ATP9A: variants seen among roughly 807,000 people sequenced by gnomAD.
The protein encoded by ATP9A is ATPase phospholipid transporting 9A.
Under a neutral mutation model 144.1 loss-of-function variants are expected in ATP9A, and 52 were observed. The observed-to-expected ratio is 0.36, with a 90% CI of 0.29 to 0.45. ATP9A has a LOEUF of 0.45. Ranked by LOEUF, ATP9A falls within the 20% of genes least tolerant of loss-of-function variation. The probability of loss-of-function intolerance (pLI) is 1.00; values close to 1 mark genes in which losing one functional copy is unlikely to be tolerated. For missense variants in ATP9A, 947 were observed against 1,392.7 expected (o/e 0.68, Z 5.09); for synonymous variants, 582 against 557.4 (o/e 1.04, Z -0.62).
At chr20:51,628,878 C>T in intron 16 of ATP9A, 102 bp downstream of exon 16, 2 of 947,408 alleles carry the variant, frequency 2.1e-6, no homozygotes, top group Non-Finnish European at 3.3e-6. Context: ...GTTTGTTACA[C>T]AGCCACCGAT....
chr20:51,618,684 C>G lies in ATP9A; in HGVS notation c.2328G>C (p.Thr776=). Residue 776 remains threonine (T), a synonymous_variant, in exon 21 of 28, where the codon ACG becomes ACC. Coordinates refer to ENST00000338821, the MANE Select transcript of ATP9A (RefSeq NM_006045.3). Reference sequence around the variant, plus strand: ...TACCTACTGCACAGGTGAGCTTGCCCGTGCGCTCCTGAAGCAGGCGCACGA... The same window carrying G: ...TACCTACTGCACAGGTGAGCTTGCCGGTGCGCTCCTGAAGCAGGCGCACGA... ...AQIVRLLQER[T]GKLTCAVGDG... is the part of the protein sequence containing the mutation. 1 of 1,612,882 alleles carries G rather than the reference C, an allele frequency of 6.2e-7. No homozygotes were observed. The highest frequency in any genetic ancestry group is 8.5e-7 in the Non-Finnish European group (1 of 1,179,870).
intron 9 of ATP9A, among the ~76,000 whole-genome samples, chr20:51,685,792 G>C (rs977472833): frequency 2.6e-5 from 4 of 152,146 alleles, no homozygotes; most frequent in African/African-American, 9.7e-5. Flanking sequence ...TTAAACCATT[G>C]TGGAAGACAG....
At chr20:51,668,637 G>A (rs1254268284) in intron 13 of ATP9A, among the ~76,000 whole-genome samples, 1 of 152,260 alleles carries the variant, frequency 6.6e-6, no homozygotes. Context: ...CCTGTCCAGG[G>A]AAGTTCCTCG....
At chr20:51,697,124 A>G (rs1332836617) in intron 5 of ATP9A, among the ~76,000 whole-genome samples, 1 of 152,176 alleles carries the variant, frequency 6.6e-6, no homozygotes, top group African/African-American at 2.4e-5. Flanking sequence ...AAACTTTATG[A>G]TATTTTTTAT....
At chr20:51,624,043 T>C (rs933051445) in intron 18 of ATP9A, among the ~76,000 whole-genome samples, 3 of 151,946 alleles carry the variant, frequency 2.0e-5, no homozygotes, top group Non-Finnish European at 4.4e-5. Flanking sequence ...ACTCCAGAAG[T>C]CTTAGGAATG....
chr20:51,627,084 A>G (rs1010493042), intron 17 of ATP9A, among the ~76,000 whole-genome samples: 1 of 151,874 alleles, frequency 6.6e-6, no homozygotes, highest in Admixed American at 6.6e-5. Flanking sequence ...GAAGAAGAAG[A>G]ACAAGAATAA....
intron 13 of ATP9A, among the ~76,000 whole-genome samples, chr20:51,662,799 AG>A (rs147927906): frequency 0.036 from 5,477 of 152,004 alleles, 158 homozygotes; most frequent in Non-Finnish European, 0.055. Context: ...CGCCGGGCAC[AG>A]TGGCTCACAC....
chr20:51,722,761 C>T (rs2077695138), intron 3 of ATP9A, among the ~76,000 whole-genome samples: 1 of 152,160 alleles, frequency 6.6e-6, no homozygotes. Context: ...TAAATACAAC[C>T]ACTATGGAAA....
At chr20:51,665,724 CAAA>C (rs34213354) in intron 13 of ATP9A, among the ~76,000 whole-genome samples, 4 of 124,212 alleles carry the variant, frequency 3.2e-5, no homozygotes, top group South Asian at 2.5e-4. Context: ...GACTTCGTCT[CAAA>C]AAAAAAAAAA....
At chr20:51,726,693 C>T (rs1179415873) in intron 2 of ATP9A, among the ~76,000 whole-genome samples, 1 of 151,728 alleles carries the variant, frequency 6.6e-6, no homozygotes, top group Non-Finnish European at 1.5e-5. Context: ...ATCCTCCTGT[C>T]ACAGCCTCCC....
At chr20:51,700,691 G>A (rs2077589609) in intron 4 of ATP9A, among the ~76,000 whole-genome samples, 1 of 152,136 alleles carries the variant, frequency 6.6e-6, no homozygotes, top group Non-Finnish European at 1.5e-5. Flanking sequence ...TTAGCCAGAT[G>A]TGGTGGCACA....
chr20:51,751,102 T>C (rs2077829537), intron 1 of ATP9A, among the ~76,000 whole-genome samples: 2 of 152,130 alleles, frequency 1.3e-5, no homozygotes, highest in African/African-American at 4.8e-5. Flanking sequence ...ATTCCCTTTT[T>C]CTCTGCAGAT....
At position 51,662,845 on chromosome 20, in the gene ATP9A, C is replaced by A. The variant is rs533804139; in HGVS notation, c.1294-5695G>T. Among the ~76,000 whole-genome samples the A allele has an allele frequency of 2.0e-5, 3 of 151,730 alleles. No homozygotes were observed. The South Asian group carries it at 6.3e-4, about 32-fold the overall frequency. On this transcript the variant is annotated intron_variant, in intron 13 of 27. Transcript: ENST00000338821. ...CAGCACTTTGGGAGGCTGAGGCGGG[C>A]GGATCACCTGAGGTCAGGAGTTCGA...
intron 24 of ATP9A, 141 bp downstream of exon 24, chr20:51,609,960 G>A (rs1002878526): frequency 1.5e-6 from 1 of 687,276 alleles, no homozygotes; most frequent in Non-Finnish European, 2.5e-6. Flanking sequence ...TCTAAACCAT[G>A]GTGCTGGGCC....
chr20:51,658,719 C>G (rs950897734), intron 13 of ATP9A, among the ~76,000 whole-genome samples: 2 of 151,694 alleles, frequency 1.3e-5, no homozygotes, highest in Admixed American at 6.6e-5. Flanking sequence ...GGGGTTTCAC[C>G]ATGTTGGCCA....
chr20:51,652,296 G>A (rs1489174942), intron 14 of ATP9A, among the ~76,000 whole-genome samples: 1 of 152,216 alleles, frequency 6.6e-6, no homozygotes, highest in Non-Finnish European at 1.5e-5. Flanking sequence ...GCTGAATAAA[G>A]ACACTTCAAG....
At chr20:51,711,530 C>A (rs2077638486) in intron 4 of ATP9A, among the ~76,000 whole-genome samples, 1 of 152,174 alleles carries the variant, frequency 6.6e-6, no homozygotes, top group Non-Finnish European at 1.5e-5. Flanking sequence ...CAAGGCATAG[C>A]CTTTATTCCC....
At chr20:51,703,546 A>G (rs1382702240) in intron 4 of ATP9A, among the ~76,000 whole-genome samples, 11 of 152,148 alleles carry the variant, frequency 7.2e-5, no homozygotes, top group Admixed American at 6.6e-4. Flanking sequence ...CAAATTTCCA[A>G]TTATTAGAGC....
chr20:51,653,923 T>C (rs1340209451), intron 14 of ATP9A, among the ~76,000 whole-genome samples: 1 of 152,164 alleles, frequency 6.6e-6, no homozygotes. Flanking sequence ...AGTCCATAGC[T>C]ACCAAAAATA....
Sources: allele counts gnomAD v4.1 joint callset (sites outside exome capture counted in the v4.1 genomes callset), GRCh38; gene constraint gnomAD v4.1.1; transcripts MANE v1.5; gene names NCBI Gene and HGNC (gene_info 2026-07-23, HGNC 2026-07-21).